The following WWOX variants were observed in gnomAD, a reference collection of about 807,000 sequenced individuals.
WWOX encodes WW domain containing oxidoreductase, also known as WW domain-containing oxidoreductase.
In WWOX, 69 loss-of-function variants were observed where a neutral mutation model predicts 46.2. The ratio of observed to expected loss-of-function variants is 1.49; its 90% CI spans 1.23 to 1.82. WWOX has a LOEUF of 1.82. Among genes scored for constraint, WWOX ranks in the 40% most tolerant of loss-of-function variants. WWOX has a pLI of 0.00. For missense variants in WWOX, 919 were observed against 542.6 expected, an observed-to-expected ratio of 1.69 and a Z score of -6.89; for synonymous variants, 359 against 202.6, an observed-to-expected ratio of 1.77 and a Z score of -6.56.
intron 8 of WWOX, chr16:78,897,663 C>T (rs1457817929): frequency 6.6e-6 from 1 of 152,032 alleles, no homozygotes. Flanking sequence ...TGTTTTTATG[C>T]CCTTATGTTT....
intron 8 of WWOX, among the ~76,000 whole-genome samples, chr16:78,767,596 T>G (rs2049955005): frequency 6.6e-6 from 1 of 152,140 alleles, no homozygotes; most frequent in Non-Finnish European, 1.5e-5. Flanking sequence ...GGAGTGAAAT[T>G]GCTGCGTCGT....
chr16:78,603,567 A>C (rs55636015), intron 8 of WWOX, among the ~76,000 whole-genome samples: 5,403 of 152,180 alleles, frequency 0.036, 147 homozygotes, highest in Middle Eastern at 0.068. Context: ...GGTGGCAGCC[A>C]CCTGTAGTCC....
intron 5 of WWOX, among the ~76,000 whole-genome samples, chr16:78,193,645 A>G (rs1182772076): frequency 1.8e-5 from 1 of 56,094 alleles, no homozygotes; most frequent in Non-Finnish European, 3.6e-5. Context: ...TGTTTAGGGG[A>G]TGCTAGGGGC....
At chr16:78,243,832 C>T (rs1339920641) in intron 5 of WWOX, among the ~76,000 whole-genome samples, 1 of 152,228 alleles carries the variant, frequency 6.6e-6, no homozygotes, top group Non-Finnish European at 1.5e-5. Context: ...CAGGCGTGAG[C>T]CACCGCACCT....
At chr16:78,269,141 A>G (rs1475233055) in intron 5 of WWOX, 1 of 152,226 alleles carries the variant, frequency 6.6e-6, no homozygotes, top group Non-Finnish European at 1.5e-5. Context: ...CCAGAGGAGC[A>G]GCTTGAAGCC....
At chr16:78,814,845 C>T (rs745897689) in intron 8 of WWOX, among the ~76,000 whole-genome samples, 2 of 152,246 alleles carry the variant, frequency 1.3e-5, no homozygotes, top group Non-Finnish European at 2.9e-5. Context: ...CCTTGCAAAA[C>T]CACCCTTGGG....
intron 5 of WWOX, among the ~76,000 whole-genome samples, chr16:78,205,581 C>G (rs1441178348): frequency 6.6e-6 from 1 of 151,742 alleles, no homozygotes; most frequent in African/African-American, 2.4e-5. Context: ...ACCCACCCTT[C>G]CACTCACCCA....
chr16:78,104,425 G>C (rs1023624526), intron 1 of WWOX, among the ~76,000 whole-genome samples: 3 of 152,114 alleles, frequency 2.0e-5, no homozygotes, highest in Admixed American at 1.3e-4. Flanking sequence ...GATCGCCTGA[G>C]CCCAGGAGCT....
chr16:78,219,288 G>A (rs1386827867), intron 5 of WWOX, among the ~76,000 whole-genome samples: 1 of 152,114 alleles, frequency 6.6e-6, no homozygotes, highest in East Asian at 1.9e-4. Context: ...GAATCTAGAT[G>A]AACATTGAGT....
At chr16:78,333,043 C>CTTTTTTTTTTTTTTTT (rs11289222) in intron 5 of WWOX, among the ~76,000 whole-genome samples, 779 of 57,062 alleles carry the variant, frequency 0.014, 172 homozygotes, top group Non-Finnish European at 0.022. Context: ...GAGCATTATA[C>CTTTTTTTTTTTTTTTT]TTTTTTTTTT....
chr16:78,388,117 C>T (rs1441219407), intron 6 of WWOX, among the ~76,000 whole-genome samples: 5 of 152,150 alleles, frequency 3.3e-5, no homozygotes, highest in Non-Finnish European at 7.3e-5. Context: ...ATGCAACGTC[C>T]CACTGTGGGC....
intron 8 of WWOX, among the ~76,000 whole-genome samples, chr16:78,917,266 G>A (rs2045273746): frequency 6.6e-6 from 1 of 152,184 alleles, no homozygotes; most frequent in Admixed American, 6.5e-5. Context: ...GAGTCAGGAG[G>A]CGTGGTTCCC....
chr16:78,914,650 C>A (rs149998576), intron 8 of WWOX, among the ~76,000 whole-genome samples: 1 of 151,674 alleles, frequency 6.6e-6, no homozygotes, highest in Non-Finnish European at 1.5e-5. Flanking sequence ...GAGGCGGAGG[C>A]GGGCAGATCA....
chr16:78,654,326 C>T (rs940236826), intron 8 of WWOX, among the ~76,000 whole-genome samples: 1 of 152,168 alleles, frequency 6.6e-6, no homozygotes, highest in Non-Finnish European at 1.5e-5. Context: ...ATAAAATAAT[C>T]TTACAATCAT....
intron 8 of WWOX, among the ~76,000 whole-genome samples, chr16:79,132,231 A>C (rs963257752): frequency 1.3e-5 from 2 of 151,964 alleles, no homozygotes; most frequent in African/African-American, 4.8e-5. Flanking sequence ...TGCTGCTGGA[A>C]CTTTAGTTGA....
At chr16:78,222,344 GAAA>G (rs397802718) in intron 5 of WWOX, among the ~76,000 whole-genome samples, 5 of 135,502 alleles carry the variant, frequency 3.7e-5, no homozygotes, top group Non-Finnish European at 4.7e-5. Flanking sequence ...CGACTTAATA[GAAA>G]AAAAAAAAAA....
At chr16:78,383,538 G>T (rs912251010) in intron 5 of WWOX, among the ~76,000 whole-genome samples, 6 of 152,102 alleles carry the variant, frequency 3.9e-5, no homozygotes, top group African/African-American at 7.2e-5. Context: ...TTCACCTCTC[G>T]AAAAGGGGTT....
intron 8 of WWOX, among the ~76,000 whole-genome samples, chr16:78,541,470 T>C (rs1242140213): frequency 6.4e-5 from 4 of 62,634 alleles, no homozygotes; most frequent in African/African-American, 2.9e-4. Context: ...CGAGACTCCG[T>C]CTCAAAAAAA....
At chr16:79,046,362 G>A (rs561711626) in intron 8 of WWOX, among the ~76,000 whole-genome samples, 2 of 152,208 alleles carry the variant, frequency 1.3e-5, no homozygotes, top group Non-Finnish European at 2.9e-5. Flanking sequence ...TTCCTTTCCT[G>A]TATCCTGTTG....
Sources: gnomAD v4.1 joint callset for allele counts (sites outside exome capture counted in the v4.1 genomes callset) on GRCh38, gnomAD v4.1.1 for gene constraint, MANE v1.5 for transcripts, NCBI Gene and HGNC (gene_info 2026-07-23, HGNC 2026-07-21) for gene names.